Variants in ABCA13 observed in about 807,000 individuals in gnomAD.
ABCA13 encodes ATP-binding cassette sub-family A member 13.
Under a neutral mutation model 478.7 loss-of-function variants are expected in ABCA13, and 476 were observed. The ratio of observed to expected loss-of-function variants is 0.99; its 90% confidence interval spans 0.92 to 1.07. The LOEUF is 1.07. Among genes scored for constraint, ABCA13 ranks in the 50% least tolerant of loss-of-function variants. ABCA13 has a pLI of 0.00. For synonymous variants in ABCA13, 2,252 were observed against 2,158.9 expected (o/e 1.04, Z -1.20); for missense variants, 6,060 against 5,910.6 (o/e 1.03, Z -0.83).
intron 1 of ABCA13, among the ~76,000 whole-genome samples, chr7:48,186,308 T>A (rs1040174464): frequency 3.3e-5 from 5 of 152,200 alleles, no homozygotes; most frequent in African/African-American, 9.6e-5. Flanking sequence ...GAGAGATTGT[T>A]TTTCTGGGTA....
intron 58 of ABCA13, among the ~76,000 whole-genome samples, chr7:48,601,668 T>C (rs1790908421): frequency 6.6e-6 from 1 of 152,216 alleles, no homozygotes; most frequent in Admixed American, 6.5e-5. Context: ...TTGTGAACAG[T>C]TCCTCAGTAA....
At chr7:48,377,901 A>G (rs1015581396) in intron 35 of ABCA13, among the ~76,000 whole-genome samples, 1 of 152,234 alleles carries the variant, frequency 6.6e-6, no homozygotes, top group East Asian at 1.9e-4. Context: ...TACAAAGACC[A>G]GCAACAAAGT....
At chr7:48,641,253 C>T (rs1398819706) in intron 59 of ABCA13, among the ~76,000 whole-genome samples, 1 of 152,164 alleles carries the variant, frequency 6.6e-6, no homozygotes, top group African/African-American at 2.4e-5. Flanking sequence ...CCACTGTCTC[C>T]TCATACCATT....
intron 29 of ABCA13, 89 bp downstream of exon 29, chr7:48,338,544 T>A: frequency 1.1e-6 from 1 of 909,708 alleles, no homozygotes; most frequent in Non-Finnish European, 1.6e-6. Flanking sequence ...ATGGCATTGC[T>A]AGGTGACTTC....
chr7:48,379,828 G>T (rs186508919), intron 35 of ABCA13, among the ~76,000 whole-genome samples: 51 of 152,254 alleles, frequency 3.3e-4, no homozygotes, highest in African/African-American at 1.2e-3. Context: ...AAATGACCTG[G>T]GTCTTTATTT....
intron 48 of ABCA13, among the ~76,000 whole-genome samples, chr7:48,496,424 A>C (rs1295721207): frequency 6.6e-6 from 1 of 152,152 alleles, no homozygotes; most frequent in African/African-American, 2.4e-5. Context: ...TACACACCAC[A>C]TCAGATGGTG....
rs1321931923 is a variant in ABCA13 at position 48,239,294 on chromosome 7, A to C, written c.951A>C (p.Thr317=). The change falls in exon 9 of 62, where the codon ACA becomes ACC. Residue 317 remains threonine (T), a synonymous_variant. Coordinates refer to ENST00000435803, the MANE Select transcript of ABCA13 (RefSeq NM_152701.5). ...TGGTGTGTTCAGTCTTGTCTAGCAC[A>C]TCAGAGGATGAAGCTGAGAAATGGG... ...EKMVCSVLSS[T]SEDEAEKWGH... 1.2e-6 allele frequency: 2 copies of C among 1,613,996 alleles called. No individual in the cohort carries two copies. The highest frequency in any genetic ancestry group is 3.3e-5 in the Admixed American group (2 of 60,030).
Position 48,279,124 on chromosome 7 carries a change from T to A in ABCA13, c.7930T>A (p.Ser2644Thr). The A allele has an allele frequency of 6.2e-7, 1 of 1,609,698 alleles. No homozygotes were observed. Among genetic ancestry groups the A allele is most frequent in the Non-Finnish European group, 8.5e-7 (1 of 1,178,308 alleles). Residue 2644 changes from serine to threonine, a missense_variant, in exon 18 of 62, where the codon TCT becomes ACT. By Grantham distance (58) the Ser-to-Thr change is moderately conservative. Coordinates refer to ENST00000435803, the MANE Select transcript of ABCA13 (RefSeq NM_152701.5). The stretch of plus-strand genomic sequence containing the variant: ...GGAAGAAATTGCTGAATTTTTAACA[T>A]CTGTGAAAATGAACTTGGAAGATAT... ...ILEEIAEFLTSVKMNLEDMRS... is the reference protein window; with the variant it reads ...ILEEIAEFLTTVKMNLEDMRS...
chr7:48,404,908 A>G (rs1190771166), intron 39 of ABCA13, among the ~76,000 whole-genome samples: 1 of 152,230 alleles, frequency 6.6e-6, no homozygotes, highest in East Asian at 1.9e-4. Context: ...AGAAGTGGGA[A>G]AATTGAGCAA....
intron 31 of ABCA13, 85 bp from the exon 32 acceptor site, chr7:48,367,709 G>A (rs1811896415): frequency 3.8e-6 from 4 of 1,041,702 alleles, no homozygotes; most frequent in African/African-American, 3.2e-5. Flanking sequence ...TCCTGAAAGA[G>A]CTTTCTAACT....
rs1428615477 is a variant in ABCA13 at position 48,645,388 on chromosome 7, G to T, written c.15082-29G>T. On this transcript the variant is annotated intron_variant, in intron 61 of 61. Coordinates refer to ENST00000435803, the MANE Select transcript of ABCA13 (RefSeq NM_152701.5). ...AGACCAAAGGGTTGTATTCTTATAA[G>T]TAAACAACATTTTTATGGTTTTTTT... 4 of 1,522,620 alleles carry T rather than the reference G, an allele frequency of 2.6e-6. No individual in the cohort carries two copies. The African/African-American group carries it at 5.5e-5, about 21-fold the overall frequency. The allele number at this position is 1,522,620 out of a possible 1,614,324, so 94.3% of individuals were successfully genotyped here.
intron 35 of ABCA13, among the ~76,000 whole-genome samples, chr7:48,383,498 G>A (rs961828971): frequency 3.3e-5 from 5 of 152,184 alleles, no homozygotes; most frequent in Non-Finnish European, 7.4e-5. Flanking sequence ...GCTGAGGCTT[G>A]CTTCAGGATT....
At chr7:48,209,434 G>A (rs1287670541) in intron 3 of ABCA13, among the ~76,000 whole-genome samples, 3 of 152,046 alleles carry the variant, frequency 2.0e-5, no homozygotes, top group Non-Finnish European at 4.4e-5. Context: ...AGTTTGAGTA[G>A]GATTAGTATT....
Position 48,314,425 on chromosome 7 carries a change from T to C in ABCA13, c.9859+16T>C, listed in dbSNP as rs765204321. 3 of 1,496,872 alleles carry C rather than the reference T, an allele frequency of 2.0e-6. No individual in the cohort carries two copies. The Admixed American group carries it at 6.2e-5, about 31-fold the overall frequency. The allele number at this position is 1,496,872 out of a possible 1,614,324, so 92.7% of individuals were successfully genotyped here. A position where few individuals can be genotyped will look rare whatever the true frequency, so the allele number is the denominator to read the frequency against. On this transcript the variant is annotated intron_variant, in intron 26 of 61. Transcript: ENST00000435803. ...GAAGATTCAAGTAAGACAGTAGTAA[T>C]ATATATATATGTGTTTAGATTCGTT...
At chr7:48,512,743 T>C (rs1455079860) in intron 51 of ABCA13, among the ~76,000 whole-genome samples, 2 of 107,510 alleles carry the variant, frequency 1.9e-5, no homozygotes, top group African/African-American at 7.9e-5. Context: ...GAATTTGAAT[T>C]AAACTAAGAA....
rs767300299 is a variant in ABCA13, at chr7:48,245,501, C to T, written c.1391-11C>T. 14 of 1,598,658 alleles carry T rather than the reference C, an allele frequency of 8.8e-6. No individual in the cohort carries two copies. The highest frequency in any genetic ancestry group is 1.1e-5 in the South Asian group (1 of 87,048). ...CTTAGGTGAATAATAATCAATTTGT[C>T]TACTTTGCAGAAGTCCTCATTTGCC... On this transcript the variant is annotated splice_polypyrimidine_tract_variant and intron_variant, in intron 11 of 61. Transcript: ENST00000435803.
At chr7:48,601,709 A>T (rs1164892700) in intron 58 of ABCA13, among the ~76,000 whole-genome samples, 1 of 152,184 alleles carries the variant, frequency 6.6e-6, no homozygotes, top group Admixed American at 6.5e-5. Flanking sequence ...TCATAGTAGA[A>T]TAATCTGTAA....
intron 41 of ABCA13, among the ~76,000 whole-genome samples, chr7:48,427,233 T>A (rs948090113): frequency 6.6e-6 from 1 of 152,240 alleles, no homozygotes; most frequent in African/African-American, 2.4e-5. Context: ...GTTGGACTTC[T>A]GCCTCCACTA....
chr7:48,550,962 A>G (rs563919970), intron 55 of ABCA13, among the ~76,000 whole-genome samples: 10 of 151,908 alleles, frequency 6.6e-5, no homozygotes, highest in African/African-American at 2.4e-4. Context: ...ATATTTCTAA[A>G]TATTTCAAGA....
Sources: gnomAD v4.1 joint callset for allele counts (sites outside exome capture counted in the v4.1 genomes callset) on GRCh38, gnomAD v4.1.1 for gene constraint, MANE v1.5 for transcripts, NCBI Gene and HGNC (gene_info 2026-07-23, HGNC 2026-07-21) for gene names.